CDK13: variants seen among roughly 807,000 people sequenced by gnomAD.
The protein encoded by CDK13 is cyclin dependent kinase 13, also known as cyclin-dependent kinase 13.
In CDK13, 40 loss-of-function variants were observed where a neutral mutation model predicts 137.6. That is an observed-to-expected ratio of 0.29 (90% confidence interval 0.23 to 0.38). The LOEUF (loss-of-function observed/expected upper bound fraction) is 0.38. Among genes scored for constraint, CDK13 ranks in the 10% least tolerant of loss-of-function variants. The pLI is 1.00. For synonymous variants in CDK13, 869 were observed against 760.1 expected (o/e 1.14, Z -2.36); for missense variants, 1,704 against 1,951.8 (o/e 0.87, Z 2.39).
chr7:39,969,104 G>A (rs1306826545), intron 1 of CDK13, among the ~76,000 whole-genome samples: 2 of 152,066 alleles, frequency 1.3e-5, no homozygotes, highest in Admixed American at 1.3e-4. Flanking sequence ...CTACCTCCCA[G>A]GTTCAAGCGA....
At chr7:40,047,099 C>A (rs191722087) in intron 6 of CDK13, among the ~76,000 whole-genome samples, 1 of 151,306 alleles carries the variant, frequency 6.6e-6, no homozygotes, top group Admixed American at 6.6e-5. Flanking sequence ...TGCTATTATT[C>A]CAAGTAATGT....
At position 39,951,697 on chromosome 7, in the gene CDK13, T is replaced by C. The variant is rs1206371657; in HGVS notation, c.1056T>C (p.Ser352=). Residue 352 remains serine (S), a synonymous_variant, in exon 1 of 14, where the codon TCT becomes TCC. Transcript: ENST00000181839. ...SPAGGGSSPY[S]RRLPRSPSPY... ...CAGGAGGTGGCAGCAGCCCCTATTC[T>C]CGGCGGCTGCCGCGCTCCCCGAGCC... The C allele has an allele frequency of 2.1e-6, 3 of 1,463,182 alleles. No homozygotes were observed. The highest frequency in any genetic ancestry group is 2.6e-5 in the Admixed American group (1 of 38,926). The allele number at this position is 1,463,182 out of a possible 1,614,324, so 90.6% of individuals were successfully genotyped here. A position where few individuals can be genotyped will look rare whatever the true frequency, so the allele number is the denominator to read the frequency against.
intron 5 of CDK13, among the ~76,000 whole-genome samples, chr7:40,019,173 G>A (rs1485871750): frequency 6.6e-6 from 1 of 152,194 alleles, no homozygotes; most frequent in East Asian, 1.9e-4. Context: ...ACTTTTGAGG[G>A]TGGTGGATAT....
At chr7:40,039,442 T>TTTTTTTTC (rs1785557963) in intron 5 of CDK13, among the ~76,000 whole-genome samples, 1 of 139,208 alleles carries the variant, frequency 7.2e-6, no homozygotes, top group African/African-American at 2.9e-5. Context: ...TAATTTTTTT[T>TTTTTTTTC]TTTTTTTTTT....
intron 12 of CDK13, among the ~76,000 whole-genome samples, chr7:40,091,780 A>G (rs1786930582): frequency 6.6e-6 from 1 of 152,354 alleles, no homozygotes; most frequent in African/African-American, 2.4e-5. Flanking sequence ...GTATCTCAAA[A>G]TATATAAAGA....
At chr7:40,092,527 T>G in intron 12 of CDK13, 1 of 429,770 alleles carries the variant, frequency 2.3e-6, no homozygotes, top group Non-Finnish European at 4.2e-6. Context: ...ACATGAGGTT[T>G]TAGTAGTGGT....
chr7:39,986,820 T>C (rs1236536090), intron 1 of CDK13: 3 of 152,180 alleles, frequency 2.0e-5, no homozygotes, highest in Admixed American at 6.5e-5. Flanking sequence ...CTTATGTCTA[T>C]TTTAGTTACT....
At chr7:40,090,175 G>C (rs1055574392) in intron 12 of CDK13, among the ~76,000 whole-genome samples, 2 of 152,262 alleles carry the variant, frequency 1.3e-5, no homozygotes, top group East Asian at 1.9e-4. Flanking sequence ...AAGACTCTCA[G>C]GTCTTTATTT....
intron 5 of CDK13, among the ~76,000 whole-genome samples, chr7:40,029,510 A>G (rs1256521024): frequency 6.6e-6 from 1 of 151,694 alleles, no homozygotes; most frequent in Non-Finnish European, 1.5e-5. Context: ...TCACAAGGTC[A>G]AGAGATTGAG....
intron 12 of CDK13, among the ~76,000 whole-genome samples, chr7:40,088,964 C>T (rs373352408): frequency 6.6e-6 from 1 of 152,022 alleles, no homozygotes; most frequent in Non-Finnish European, 1.5e-5. Flanking sequence ...CCTGTAATCC[C>T]AGCTACTCGG....
intron 5 of CDK13, among the ~76,000 whole-genome samples, chr7:40,007,582 C>T (rs1475384556): frequency 6.6e-6 from 1 of 152,214 alleles, no homozygotes; most frequent in African/African-American, 2.4e-5. Context: ...TCCGCCACCA[C>T]ACCCAGCTAA....
chr7:40,059,869 TC>T (rs772230306), intron 7 of CDK13, among the ~76,000 whole-genome samples: 3 of 152,250 alleles, frequency 2.0e-5, no homozygotes, highest in African/African-American at 4.8e-5. Context: ...GTTTTAAAAT[TC>T]AACTTCCTAG....
intron 10 of CDK13, 75 bp downstream of exon 10, chr7:40,078,196 C>T (rs1786588609): frequency 4.0e-6 from 3 of 750,344 alleles, no homozygotes; most frequent in Non-Finnish European, 6.6e-6. Flanking sequence ...AAATGTTAGT[C>T]TATTCTCTAG....
rs1237703834 is a variant in CDK13 at position 40,098,661 on chromosome 7, C to T, written c.*3681C>T. On this transcript the variant is annotated 3_prime_UTR_variant, in exon 14 of 14. Transcript: ENST00000181839. ...AAATAAGGCTTAGAAAGAGGGATTG[C>T]CAGAAACTTTGGCAGCTGGATTGCC... 3 of 151,710 alleles carry T rather than the reference C, an allele frequency of 2.0e-5. No homozygotes were observed. The highest frequency in any genetic ancestry group is 4.4e-5 in the Non-Finnish European group (3 of 67,922). The allele number at this position is 151,710 out of a possible 1,614,324, so 9.4% of individuals were successfully genotyped here. A position where few individuals can be genotyped will look rare whatever the true frequency, so the allele number is the denominator to read the frequency against.
At chr7:39,991,233 A>G (rs530320477) in intron 2 of CDK13, among the ~76,000 whole-genome samples, 3 of 152,164 alleles carry the variant, frequency 2.0e-5, no homozygotes, top group Non-Finnish European at 4.4e-5. Context: ...TTTATAAACT[A>G]TTTCTCTTGA....
intron 1 of CDK13, among the ~76,000 whole-genome samples, chr7:39,980,442 T>A (rs555949620): frequency 1.3e-3 from 194 of 152,330 alleles, no homozygotes; most frequent in African/African-American, 4.4e-3. Context: ...AATAGAGCTG[T>A]TATAATAACG....
intron 7 of CDK13, among the ~76,000 whole-genome samples, chr7:40,052,003 T>C (rs1269041373): frequency 1.3e-5 from 2 of 152,186 alleles, no homozygotes; most frequent in Non-Finnish European, 2.9e-5. Flanking sequence ...TTCTGACAGC[T>C]ACAATGTTTC....
At chr7:39,973,006 A>G (rs183356430) in intron 1 of CDK13, among the ~76,000 whole-genome samples, 1 of 152,126 alleles carries the variant, frequency 6.6e-6, no homozygotes, top group African/African-American at 2.4e-5. Flanking sequence ...GTGGGATCAC[A>G]TTTTGGTTTA....
intron 1 of CDK13, among the ~76,000 whole-genome samples, chr7:39,979,337 C>T (rs2116226476): frequency 6.6e-6 from 1 of 151,954 alleles, no homozygotes. Context: ...CTGCCTCAGC[C>T]TCCCAAGTGG....
Sources: gnomAD v4.1 joint callset for allele counts (sites outside exome capture counted in the v4.1 genomes callset) on GRCh38, gnomAD v4.1.1 for gene constraint, MANE v1.5 for transcripts, NCBI Gene and HGNC (gene_info 2026-07-23, HGNC 2026-07-21) for gene names.